Variants in WDR88 observed in about 807,000 individuals in gnomAD.
The protein encoded by WDR88 is WD repeat domain 88.
WDR88 carries 40 observed loss-of-function variants against 46.8 expected under a neutral mutation model. That is an observed-to-expected ratio of 0.86 (90% CI 0.66 to 1.11). WDR88 has a LOEUF of 1.11. Among genes scored for constraint, WDR88 ranks in the 50% most tolerant of loss-of-function variants. WDR88 has a pLI of 0.00. For synonymous variants in WDR88, 235 were observed against 240.7 expected (o/e 0.98, Z 0.22); for missense variants, 562 against 602.4 (o/e 0.93, Z 0.70).
chr19:33,142,277 C>T (rs570375566), intron 2 of WDR88, among the ~76,000 whole-genome samples: 1 of 151,944 alleles, frequency 6.6e-6, no homozygotes, highest in Non-Finnish European at 1.5e-5. Context: ...GCCAATGGGA[C>T]CAGCTAAGGC....
intron 7 of WDR88, among the ~76,000 whole-genome samples, chr19:33,157,971 G>A (rs1973794193): frequency 6.6e-6 from 1 of 151,758 alleles, no homozygotes; most frequent in South Asian, 2.1e-4. Context: ...CTAGGGTTGG[G>A]GTCAGAACCC....
chr19:33,146,080 C>A lies in WDR88; in HGVS notation c.476+1148C>A, dbSNP rs968503621. ...CTGAGGCGGGCGGATCACCTGAGGT[C>A]GGGTAGCCTTGAACAAGGCTAGCCT... On this transcript the variant is annotated intron_variant, in intron 3 of 10. Coordinates refer to ENST00000355868, the MANE Select transcript of WDR88 (RefSeq NM_173479.4). Among the ~76,000 whole-genome samples, 77 of 152,106 alleles carry A rather than the reference C, an allele frequency of 5.1e-4. 1 individual carries two copies. Among genetic ancestry groups the A allele is most frequent in the Non-Finnish European group, 1.1e-3 (74 of 67,986 alleles).
chr19:33,158,750 A>C (rs2145406038), intron 7 of WDR88, among the ~76,000 whole-genome samples: 1 of 152,200 alleles, frequency 6.6e-6, no homozygotes, highest in East Asian at 1.9e-4. Flanking sequence ...CCCAGGCTGG[A>C]GCGCAGTTGC....
At chr19:33,133,288 C>T in intron 1 of WDR88, among the ~76,000 whole-genome samples, 1 of 151,970 alleles carries the variant, frequency 6.6e-6, no homozygotes, top group Non-Finnish European at 1.5e-5. Context: ...TGGCTCATGT[C>T]TGTAATCCCA....
chr19:33,175,343 G>T, intron 10 of WDR88, 53 bp from the exon 11 acceptor site: 1 of 1,572,654 alleles, frequency 6.4e-7, no homozygotes, highest in South Asian at 1.1e-5. Context: ...GGCATGCCTG[G>T]ATCACCTCTG....
chr19:33,143,736 GA>G (rs1014509072), intron 2 of WDR88, among the ~76,000 whole-genome samples: 4 of 151,138 alleles, frequency 2.6e-5, no homozygotes, highest in African/African-American at 9.7e-5. Flanking sequence ...ACACAAGAAA[GA>G]AAAAAACTCA....
chr19:33,155,633 G>A (rs1402398157), intron 6 of WDR88, among the ~76,000 whole-genome samples: 1 of 152,112 alleles, frequency 6.6e-6, no homozygotes, highest in African/African-American at 2.4e-5. Flanking sequence ...TGGGGAGCAG[G>A]AGAGAGCCTC....
At chr19:33,163,392 AG>A (rs1973901894) in intron 8 of WDR88, among the ~76,000 whole-genome samples, 1 of 152,038 alleles carries the variant, frequency 6.6e-6, no homozygotes, top group African/African-American at 2.4e-5. Context: ...GCTACTTGGC[AG>A]GCTGAGGCTG....
At chr19:33,161,370 C>CAA (rs1244247412) in intron 8 of WDR88, among the ~76,000 whole-genome samples, 23 of 152,084 alleles carry the variant, frequency 1.5e-4, no homozygotes, top group Admixed American at 1.5e-3. Context: ...ACAGCAAGAA[C>CAA]CCACAATTGC....
At chr19:33,142,139 G>A (rs1474757413) in intron 2 of WDR88, among the ~76,000 whole-genome samples, 1 of 152,094 alleles carries the variant, frequency 6.6e-6, no homozygotes, top group Non-Finnish European at 1.5e-5. Context: ...TAGGGTTATG[G>A]GTTCACCCTC....
intron 10 of WDR88, chr19:33,174,809 A>C: frequency 1.0e-6 from 1 of 985,210 alleles, no homozygotes. Context: ...CAGGACCCCC[A>C]TGGCAGGAGA....
intron 9 of WDR88, among the ~76,000 whole-genome samples, chr19:33,164,530 A>G (rs972136222): frequency 2.0e-5 from 3 of 152,218 alleles, no homozygotes; most frequent in African/African-American, 4.8e-5. Context: ...TCAGTGAGCA[A>G]TGGAGCCAAT....
chr19:33,143,749 C>T (rs1463554309), intron 2 of WDR88, among the ~76,000 whole-genome samples: 1 of 152,036 alleles, frequency 6.6e-6, no homozygotes, highest in Non-Finnish European at 1.5e-5. Context: ...AAAAACTCAT[C>T]TTTCCATGAC....
chr19:33,138,315 G>C (rs1190950134), intron 2 of WDR88, among the ~76,000 whole-genome samples: 4 of 152,028 alleles, frequency 2.6e-5, no homozygotes, highest in Non-Finnish European at 4.4e-5. Flanking sequence ...GCCTCCCGAA[G>C]TGCTGGGAAT....
chr19:33,137,340 G>A (rs1402687476), intron 1 of WDR88, among the ~76,000 whole-genome samples: 2 of 150,152 alleles, frequency 1.3e-5, no homozygotes, highest in Non-Finnish European at 3.0e-5. Context: ...TGCAACCTCC[G>A]CCTCCTGTAT....
intron 8 of WDR88, 100 bp downstream of exon 8, chr19:33,160,596 G>A: frequency 8.2e-7 from 1 of 1,218,014 alleles, no homozygotes; most frequent in South Asian, 1.2e-5. Context: ...AGTGACACAG[G>A]CCTTGATGCC....
At chr19:33,159,286 T>C (rs537129112) in intron 7 of WDR88, among the ~76,000 whole-genome samples, 7 of 151,616 alleles carry the variant, frequency 4.6e-5, no homozygotes, top group South Asian at 4.2e-4. Flanking sequence ...TGTGAGCTGA[T>C]TGCATCACTG....
At chr19:33,162,362 G>A (rs951576581) in intron 8 of WDR88, among the ~76,000 whole-genome samples, 6 of 145,226 alleles carry the variant, frequency 4.1e-5, no homozygotes, top group East Asian at 2.2e-4. Flanking sequence ...CACCATGCCC[G>A]GCTAATTTTT....
At chr19:33,134,526 T>C (rs1327465873) in intron 1 of WDR88, among the ~76,000 whole-genome samples, 4 of 152,038 alleles carry the variant, frequency 2.6e-5, no homozygotes, top group African/African-American at 9.7e-5. Flanking sequence ...TAGTTGGGTT[T>C]TCCTAATGAG....
Sources: allele counts gnomAD v4.1 joint callset (sites outside exome capture counted in the v4.1 genomes callset), GRCh38; gene constraint gnomAD v4.1.1; transcripts MANE v1.5; gene names NCBI Gene and HGNC (gene_info 2026-07-23, HGNC 2026-07-21).